SHISA9: variants seen among roughly 807,000 people sequenced by gnomAD.
SHISA9 encodes shisa family member 9.
A neutral mutation model predicts 38.0 loss-of-function variants in SHISA9; 13 were observed. The observed-to-expected ratio is 0.34, with a 90% CI of 0.22 to 0.54. The LOEUF (loss-of-function observed/expected upper bound fraction) is 0.54, where lower values mean the gene tolerates loss of function less well. Ranked by LOEUF, SHISA9 falls within the 20% of genes least tolerant of loss-of-function variation. The pLI is 0.91. For missense variants in SHISA9, 538 were observed against 575.8 expected (o/e 0.93, Z 0.67); for synonymous variants, 275 against 242.0 (o/e 1.14, Z -1.27).
At chr16:13,361,609 G>A in the SHISA9 span, among the ~76,000 whole-genome samples, 1 of 152,224 alleles carries the variant, frequency 6.6e-6, no homozygotes, top group African/African-American at 2.4e-5. Context: ...GGTTGTTTGA[G>A]TGAGTTCATG....
At chr16:13,539,822 G>A in the SHISA9 span, among the ~76,000 whole-genome samples, 5 of 151,998 alleles carry the variant, frequency 3.3e-5, no homozygotes, top group Non-Finnish European at 7.4e-5. Flanking sequence ...CAGTGTTTAG[G>A]CACTTATAAA....
At chr16:13,509,042 A>T in the SHISA9 span, among the ~76,000 whole-genome samples, 4 of 152,198 alleles carry the variant, frequency 2.6e-5, no homozygotes, top group African/African-American at 9.7e-5. Flanking sequence ...GATTTTGTGC[A>T]TCCGACCCTC....
intron 2 of SHISA9, among the ~76,000 whole-genome samples, chr16:12,977,861 A>C (rs576278047): frequency 2.6e-4 from 40 of 152,222 alleles, no homozygotes; most frequent in African/African-American, 9.4e-4. Context: ...AAAATAGCTA[A>C]TGCATGCTGG....
At chr16:13,441,796 CTT>C in the SHISA9 span, among the ~76,000 whole-genome samples, 1 of 152,128 alleles carries the variant, frequency 6.6e-6, no homozygotes, top group African/African-American at 2.4e-5. Context: ...ACTGGGATGA[CTT>C]AAGCATGACA....
At chr16:12,906,466 G>T (rs2071095101) in intron 1 of SHISA9, among the ~76,000 whole-genome samples, 1 of 152,020 alleles carries the variant, frequency 6.6e-6, no homozygotes, top group South Asian at 2.1e-4. Context: ...AGCGGTGGGG[G>T]GAGGCTCGCA....
At chr16:13,467,708 T>C in the SHISA9 span, among the ~76,000 whole-genome samples, 1 of 152,246 alleles carries the variant, frequency 6.6e-6, no homozygotes, top group South Asian at 2.1e-4. Flanking sequence ...GAATTGCCTG[T>C]TGGATGGAGC....
At chr16:13,056,798 G>A (rs2073315835) in intron 2 of SHISA9, among the ~76,000 whole-genome samples, 3 of 152,234 alleles carry the variant, frequency 2.0e-5, no homozygotes, top group South Asian at 4.1e-4. Context: ...GTGCTACATA[G>A]GCATTAGCTT....
At chr16:13,140,233 A>G (rs2050390487) in intron 2 of SHISA9, among the ~76,000 whole-genome samples, 1 of 147,420 alleles carries the variant, frequency 6.8e-6, no homozygotes, top group Non-Finnish European at 1.5e-5. Context: ...CTGGAGTGCA[A>G]TGATACCATC....
At chr16:13,157,770 GCCAGCCC>G (rs890756874) in intron 2 of SHISA9, among the ~76,000 whole-genome samples, 1 of 152,106 alleles carries the variant, frequency 6.6e-6, no homozygotes, top group Non-Finnish European at 1.5e-5. Context: ...CAACCCTTCT[GCCAGCCC>G]CCAATCCGGA....
intron 2 of SHISA9, among the ~76,000 whole-genome samples, chr16:12,964,260 C>T (rs1025158589): frequency 6.6e-6 from 1 of 152,154 alleles, no homozygotes; most frequent in African/African-American, 2.4e-5. Context: ...TAGCACACAG[C>T]AGGCATTCAA....
At chr16:12,935,649 A>G (rs2071520881) in intron 2 of SHISA9, among the ~76,000 whole-genome samples, 1 of 151,960 alleles carries the variant, frequency 6.6e-6, no homozygotes, top group Non-Finnish European at 1.5e-5. Context: ...GGGGTTCAAG[A>G]TCAGCCTGGG....
chr16:13,138,535 G>T (rs2050370114), intron 2 of SHISA9, among the ~76,000 whole-genome samples: 1 of 152,132 alleles, frequency 6.6e-6, no homozygotes, highest in Non-Finnish European at 1.5e-5. Context: ...TAAATTGAAT[G>T]AACAGATATG....
the SHISA9 span, among the ~76,000 whole-genome samples, chr16:13,269,538 A>C: frequency 6.6e-6 from 1 of 152,216 alleles, no homozygotes; most frequent in African/African-American, 2.4e-5. Context: ...TCTGCCAAGC[A>C]GGCTCTTCTG....
At chr16:12,907,263 CTTCT>C (rs201612955) in intron 1 of SHISA9, among the ~76,000 whole-genome samples, 3,001 of 143,444 alleles carry the variant, frequency 0.021, 112 homozygotes, top group African/African-American at 0.075. Flanking sequence ...ACCCTTCTTC[CTTCT>C]GTCTTCTTCC....
intron 2 of SHISA9, among the ~76,000 whole-genome samples, chr16:12,982,537 T>C (rs1172638885): frequency 1.3e-5 from 2 of 152,230 alleles, no homozygotes; most frequent in Non-Finnish European, 1.5e-5. Context: ...TCCTCCCATT[T>C]TACCCAATTC....
At chr16:12,904,806 C>G (rs939781996) in intron 1 of SHISA9, among the ~76,000 whole-genome samples, 1 of 152,194 alleles carries the variant, frequency 6.6e-6, no homozygotes, top group Non-Finnish European at 1.5e-5. Flanking sequence ...AAAATCCTGT[C>G]ACCAGGGGTC....
the SHISA9 span, among the ~76,000 whole-genome samples, chr16:13,296,366 C>G: frequency 1.3e-5 from 2 of 151,800 alleles, no homozygotes; most frequent in South Asian, 4.2e-4. Flanking sequence ...AATATTTACC[C>G]ATTTGTATTA....
In SHISA9 at chr16:12,902,235, C is replaced by A. The variant is rs1156801375; in HGVS notation, c.171C>A (p.Gly57=). The part of the protein sequence containing the change: ...SGAASGEASE[G]AEASDAPPTR... ...CCGCCTCCGGAGAGGCCAGCGAGGG[C>A]GCTGAGGCATCGGACGCGCCCCCGA... Residue 57 remains glycine, a synonymous_variant, in exon 1 of 5, where the codon GGC becomes GGA. Coordinates refer to ENST00000558583, the MANE Select transcript of SHISA9 (RefSeq NM_001145204.3). 6.5e-7 allele frequency: 1 copy of A among 1,541,648 alleles called. No individual in the cohort carries two copies. Among genetic ancestry groups the A allele is most frequent in the Non-Finnish European group, 8.7e-7 (1 of 1,146,244 alleles).
At chr16:13,479,053 T>G in the SHISA9 span, among the ~76,000 whole-genome samples, 1 of 152,186 alleles carries the variant, frequency 6.6e-6, no homozygotes, top group African/African-American at 2.4e-5. Context: ...AAAATAAAGG[T>G]GTCATCATGG....
Sources: allele counts gnomAD v4.1 joint callset (sites outside exome capture counted in the v4.1 genomes callset), GRCh38; gene constraint gnomAD v4.1.1; transcripts MANE v1.5; gene names NCBI Gene and HGNC (gene_info 2026-07-23, HGNC 2026-07-21).